The following SOX6 variants were observed in gnomAD, a reference collection of about 807,000 sequenced individuals.
SOX6 encodes the protein transcription factor SOX-6.
SOX6 carries 11 observed loss-of-function variants against 97.8 expected under a neutral mutation model. The ratio of observed to expected loss-of-function variants is 0.11; its 90% confidence interval spans 0.07 to 0.19. SOX6 has a LOEUF of 0.19. SOX6 is among the 10% of genes least tolerant of loss of function. The pLI, the probability that SOX6 is intolerant of heterozygous loss-of-function variation, is 1.00. For missense variants in SOX6, 810 were observed against 1,039.5 expected (o/e 0.78, Z 3.04); for synonymous variants, 360 against 371.4 (o/e 0.97, Z 0.35).
chr11:16,055,671 T>C, intron 10 of SOX6, 81 bp downstream of exon 10: 1 of 1,566,038 alleles, frequency 6.4e-7, no homozygotes, highest in Non-Finnish European at 8.8e-7. Flanking sequence ...CTGCTGTTTA[T>C]GCCCAACATA....
intron 4 of SOX6, among the ~76,000 whole-genome samples, chr11:16,589,172 C>T (rs1848124970): frequency 6.6e-6 from 1 of 152,196 alleles, no homozygotes; most frequent in Admixed American, 6.5e-5. Flanking sequence ...ATCTGGAGAC[C>T]ATGCATTTCC....
At chr11:16,565,076 A>G (rs1847854768) in intron 4 of SOX6, among the ~76,000 whole-genome samples, 1 of 152,182 alleles carries the variant, frequency 6.6e-6, no homozygotes, top group Admixed American at 6.5e-5. Context: ...CTGACAAAGA[A>G]TGAGAGAAAA....
chr11:16,248,515 CT>C (rs1853408223), intron 3 of SOX6, among the ~76,000 whole-genome samples: 2 of 152,352 alleles, frequency 1.3e-5, no homozygotes, highest in South Asian at 4.1e-4. Context: ...CAATTCTTGA[CT>C]ACTGTGCACC....
intron 15 of SOX6, among the ~76,000 whole-genome samples, chr11:15,975,542 A>G (rs1853451223): frequency 1.3e-5 from 2 of 152,226 alleles, no homozygotes; most frequent in South Asian, 4.1e-4. Context: ...TTTTACCAGA[A>G]TATCTATATC....
chr11:16,399,362 T>C (rs1277984460), intron 1 of SOX6, among the ~76,000 whole-genome samples: 3 of 150,864 alleles, frequency 2.0e-5, no homozygotes, highest in Non-Finnish European at 4.4e-5. Flanking sequence ...TTTTATTTTA[T>C]TTTATTTTAT....
At chr11:16,092,963 G>C (rs1230986825) in intron 9 of SOX6, among the ~76,000 whole-genome samples, 2 of 151,480 alleles carry the variant, frequency 1.3e-5, no homozygotes, top group Non-Finnish European at 2.9e-5. Flanking sequence ...CATTATACTG[G>C]TTCCCTTTCC....
chr11:16,056,271 T>A (rs1847813701), intron 9 of SOX6, among the ~76,000 whole-genome samples: 1 of 152,178 alleles, frequency 6.6e-6, no homozygotes, highest in Non-Finnish European at 1.5e-5. Flanking sequence ...GGATGTCCAC[T>A]TGTTTAATAT....
intron 12 of SOX6, among the ~76,000 whole-genome samples, chr11:16,018,846 CAG>C (rs1854962525): frequency 6.6e-6 from 1 of 151,960 alleles, no homozygotes; most frequent in African/African-American, 2.4e-5. Context: ...CTCCATCAAA[CAG>C]AGGCAGTAAA....
chr11:15,968,845 C>A lies in SOX6; in HGVS notation c.*3964G>T, dbSNP rs1469125142. Reference sequence around the variant, plus strand: ...GGACAAGGCTGGAGAGTATCAAATACCTAATGAAGCAAACCGAGGTGCTTC... The same window carrying A: ...GGACAAGGCTGGAGAGTATCAAATAACTAATGAAGCAAACCGAGGTGCTTC... On this transcript the variant is annotated 3_prime_UTR_variant, in exon 16 of 16. Coordinates refer to ENST00000683767, the MANE Select transcript of SOX6 (RefSeq NM_001367873.1). 1 of 152,174 alleles carries A rather than the reference C, an allele frequency of 6.6e-6. No homozygotes were observed. Among genetic ancestry groups the A allele is most frequent in the Non-Finnish European group, 1.5e-5 (1 of 68,060 alleles). The allele number at this position is 152,174 out of a possible 1,614,324, so 9.4% of individuals were successfully genotyped here.
rs1163199304 is a variant in SOX6, at chr11:16,300,411, AT to A, written c.445+18034del. Among the ~76,000 whole-genome samples the A allele has an allele frequency of 6.6e-6, 1 of 152,170 alleles. No individual in the cohort carries two copies. Among genetic ancestry groups the A allele is most frequent in the East Asian group, 1.9e-4 (1 of 5,196 alleles). ...TTATAACATTTTGCTCAGAGCTGAC[AT>A]TTTTATTCTGACAAGCACTGTCTGG... On this transcript the variant is annotated intron_variant, in intron 3 of 15. Transcript: ENST00000683767. The surrounding 1 kb of genome is among the most constrained non-coding windows in gnomAD (Gnocchi z 4.1).
chr11:16,302,120 T>C (rs1015405031), intron 3 of SOX6, among the ~76,000 whole-genome samples: 2 of 152,270 alleles, frequency 1.3e-5, no homozygotes, highest in East Asian at 1.9e-4. Flanking sequence ...AGTACCTGCC[T>C]GGACCATTAA....
chr11:16,260,188 G>C (rs994401231), intron 3 of SOX6, among the ~76,000 whole-genome samples: 4 of 151,930 alleles, frequency 2.6e-5, no homozygotes, highest in Admixed American at 2.0e-4. Flanking sequence ...TTTTAGTAGA[G>C]ACGGGGTTTC....
chr11:16,239,492 C>T (rs1853120816), intron 3 of SOX6, among the ~76,000 whole-genome samples: 1 of 152,054 alleles, frequency 6.6e-6, no homozygotes, highest in Non-Finnish European at 1.5e-5. Context: ...GAGTACGAAT[C>T]ACTAACAAAC....
chr11:16,206,639 T>C (rs77944737), intron 4 of SOX6, among the ~76,000 whole-genome samples: 3,245 of 152,300 alleles, frequency 0.021, 130 homozygotes, highest in African/African-American at 0.074. Context: ...GTGAAGCACT[T>C]AGAACAGTTG....
At chr11:16,485,300 T>A (rs1860410270) in intron 4 of SOX6, among the ~76,000 whole-genome samples, 1 of 151,966 alleles carries the variant, frequency 6.6e-6, no homozygotes. Context: ...ACAAAAAAAA[T>A]GAGGGCCAGG....
intron 4 of SOX6, among the ~76,000 whole-genome samples, chr11:16,574,244 T>C (rs1398420634): frequency 6.6e-6 from 1 of 152,062 alleles, no homozygotes; most frequent in Non-Finnish European, 1.5e-5. Context: ...AAACTTATTA[T>C]AAAGTAAATA....
intron 3 of SOX6, among the ~76,000 whole-genome samples, chr11:16,290,704 A>G (rs928822198): frequency 3.3e-5 from 5 of 152,106 alleles, no homozygotes; most frequent in Admixed American, 2.0e-4. Flanking sequence ...AGCAATCTCA[A>G]TGTAATAGGT....
intron 2 of SOX6, among the ~76,000 whole-genome samples, chr11:16,328,384 A>G (rs1271208913): frequency 6.6e-6 from 1 of 152,210 alleles, no homozygotes; most frequent in South Asian, 2.1e-4. Flanking sequence ...TTAACACAAT[A>G]GCAAAAACAA....
chr11:15,973,178 T>C (rs773541904), intron 15 of SOX6, 66 bp from the exon 16 acceptor site: 20 of 1,504,378 alleles, frequency 1.3e-5, no homozygotes, highest in Admixed American at 1.7e-5. Context: ...ATGTACAGCA[T>C]TGGAATTCAC....
Sources: allele counts gnomAD v4.1 joint callset (sites outside exome capture counted in the v4.1 genomes callset), GRCh38; gene constraint gnomAD v4.1.1; non-coding constraint Gnocchi (gnomAD v3.1); transcripts MANE v1.5; gene names NCBI Gene and HGNC (gene_info 2026-07-23, HGNC 2026-07-21).